ITPKB: variants seen among roughly 807,000 people sequenced by gnomAD.
The protein encoded by ITPKB is inositol-trisphosphate 3-kinase B.
In ITPKB, 13 loss-of-function variants were observed where a neutral mutation model predicts 69.4. The ratio of observed to expected loss-of-function variants is 0.19; its 90% CI spans 0.12 to 0.30. The LOEUF (loss-of-function observed/expected upper bound fraction) is 0.30. Ranked by LOEUF, ITPKB falls within the 10% of genes least tolerant of loss-of-function variation. The pLI, the probability that ITPKB is intolerant of heterozygous loss-of-function variation, is 1.00. For missense variants in ITPKB, 1,240 were observed against 1,250.5 expected, an observed-to-expected ratio of 0.99 and a Z score of 0.13; for synonymous variants, 584 against 513.7, an observed-to-expected ratio of 1.14 and a Z score of -1.85.
At chr1:226,645,028 A>G (rs1468755695) in intron 4 of ITPKB, among the ~76,000 whole-genome samples, 1 of 152,266 alleles carries the variant, frequency 6.6e-6, no homozygotes, top group Non-Finnish European at 1.5e-5. Context: ...AGCCTGGTGC[A>G]GAACTGCACC....
intron 2 of ITPKB, among the ~76,000 whole-genome samples, chr1:226,724,972 A>C (rs991671981): frequency 5.3e-5 from 8 of 152,302 alleles, no homozygotes; most frequent in African/African-American, 1.9e-4. Context: ...CTTCTAACAG[A>C]GGGAGCAAAT....
At chr1:226,670,093 C>T (rs982740141) in intron 2 of ITPKB, among the ~76,000 whole-genome samples, 17 of 146,042 alleles carry the variant, frequency 1.2e-4, no homozygotes, top group Non-Finnish European at 2.2e-4. Flanking sequence ...CAGCTGGTCT[C>T]GAACCCCTGA....
intron 2 of ITPKB, among the ~76,000 whole-genome samples, chr1:226,709,591 T>A (rs924166079): frequency 2.0e-5 from 3 of 152,144 alleles, no homozygotes; most frequent in Admixed American, 6.5e-5. Context: ...GACATCCAAC[T>A]TCCCCCCAAC....
chr1:226,657,993 G>A (rs866253145), intron 2 of ITPKB, among the ~76,000 whole-genome samples: 7 of 152,190 alleles, frequency 4.6e-5, no homozygotes, highest in African/African-American at 1.4e-4. Context: ...ACTGACACAC[G>A]CTCGGGGAAG....
chr1:226,715,818 T>G (rs1571871718), intron 2 of ITPKB, among the ~76,000 whole-genome samples: 1 of 152,242 alleles, frequency 6.6e-6, no homozygotes, highest in East Asian at 1.9e-4. Context: ...TATTTTTATG[T>G]ATTTATTTTT....
intron 2 of ITPKB, among the ~76,000 whole-genome samples, chr1:226,727,210 G>C (rs970255639): frequency 7.2e-5 from 11 of 152,204 alleles, no homozygotes; most frequent in South Asian, 4.1e-4. Context: ...TGCATAAGCA[G>C]AGGCTTAGAC....
intron 2 of ITPKB, among the ~76,000 whole-genome samples, chr1:226,706,983 G>C (rs962654246): frequency 6.6e-6 from 1 of 152,164 alleles, no homozygotes; most frequent in Non-Finnish European, 1.5e-5. Flanking sequence ...CCAGTCCACA[G>C]AATGAGGCAC....
At chr1:226,681,943 G>A (rs1422477008) in intron 2 of ITPKB, among the ~76,000 whole-genome samples, 1 of 152,212 alleles carries the variant, frequency 6.6e-6, no homozygotes, top group Non-Finnish European at 1.5e-5. Context: ...AAGGCTCAGA[G>A]CTATGTGGAA....
intron 2 of ITPKB, among the ~76,000 whole-genome samples, chr1:226,716,228 T>A (rs1342418154): frequency 6.6e-6 from 1 of 152,234 alleles, no homozygotes; most frequent in Admixed American, 6.5e-5. Context: ...AGTTGTGGCA[T>A]GCAGTAAAAA....
At chr1:226,734,299 G>A (rs1218707347) in intron 2 of ITPKB, among the ~76,000 whole-genome samples, 1 of 152,266 alleles carries the variant, frequency 6.6e-6, no homozygotes, top group East Asian at 1.9e-4. Flanking sequence ...TCATGAAAAG[G>A]AATGCCTGGT....
At chr1:226,692,090 A>G (rs1268467017) in intron 2 of ITPKB, among the ~76,000 whole-genome samples, 1 of 152,216 alleles carries the variant, frequency 6.6e-6, no homozygotes, top group Non-Finnish European at 1.5e-5. Context: ...TACATGCAAG[A>G]GCCTTCAAAA....
chr1:226,665,954 A>G (rs2102761684), intron 2 of ITPKB, among the ~76,000 whole-genome samples: 1 of 152,304 alleles, frequency 6.6e-6, no homozygotes, highest in South Asian at 2.1e-4. Context: ...ATCACAGGGC[A>G]CTGTGGCCTC....
intron 6 of ITPKB, among the ~76,000 whole-genome samples, chr1:226,638,050 T>A (rs1329774283): frequency 6.6e-6 from 1 of 152,232 alleles, no homozygotes; most frequent in Non-Finnish European, 1.5e-5. Flanking sequence ...GTGCCCCATC[T>A]TCCCCAGAAG....
Position 226,634,014 on chromosome 1 carries a change from C to A in ITPKB, c.*657G>T, listed in dbSNP as rs1203916468. On this transcript the variant is annotated 3_prime_UTR_variant, in exon 8 of 8. Coordinates refer to ENST00000429204, the MANE Select transcript of ITPKB (RefSeq NM_002221.4). The surrounding 1 kb of genome is among the most constrained non-coding windows in gnomAD (Gnocchi z 6.3). ...CAAGCTGGCTTCAGCCTTCTCTTGG[C>A]TCCTGGGTCTGGCCTGGAGCCGGCA... 6.6e-6 allele frequency: 1 copy of A among 152,586 alleles called. No individual in the cohort carries two copies. The highest frequency in any genetic ancestry group is 1.5e-5 in the Non-Finnish European group (1 of 68,328). 9.5% of individuals were successfully genotyped at this position (152,586 alleles called of 1,614,324 possible).
At chr1:226,666,437 G>A (rs1334915604) in intron 2 of ITPKB, among the ~76,000 whole-genome samples, 1 of 152,142 alleles carries the variant, frequency 6.6e-6, no homozygotes, top group African/African-American at 2.4e-5. Flanking sequence ...GGTGTCCAGG[G>A]GCTCCAGGGG....
At chr1:226,735,322 C>A (rs986016682) in intron 2 of ITPKB, among the ~76,000 whole-genome samples, 3 of 152,202 alleles carry the variant, frequency 2.0e-5, no homozygotes, top group Non-Finnish European at 4.4e-5. Flanking sequence ...GACTCAGATT[C>A]ACTGTCCAAG....
At chr1:226,685,290 G>A (rs1183399490) in intron 2 of ITPKB, among the ~76,000 whole-genome samples, 1 of 152,160 alleles carries the variant, frequency 6.6e-6, no homozygotes, top group African/African-American at 2.4e-5. Flanking sequence ...GCTGAGCTCA[G>A]TGTTCAGCAC....
At chr1:226,697,190 CA>C (rs1284720481) in intron 2 of ITPKB, among the ~76,000 whole-genome samples, 2 of 152,206 alleles carry the variant, frequency 1.3e-5, no homozygotes, top group Non-Finnish European at 2.9e-5. Flanking sequence ...AGGTGCCTGT[CA>C]CAACTTGGTT....
chr1:226,638,367 C>T (rs1017058766), intron 6 of ITPKB, among the ~76,000 whole-genome samples: 6 of 152,220 alleles, frequency 3.9e-5, no homozygotes, highest in Admixed American at 3.3e-4. Flanking sequence ...GAAGCCTCCC[C>T]AGCTGGAAAA....
Sources: gnomAD v4.1 joint callset for allele counts (sites outside exome capture counted in the v4.1 genomes callset) on GRCh38, gnomAD v4.1.1 for gene constraint, Gnocchi (gnomAD v3.1) non-coding constraint, MANE v1.5 for transcripts, NCBI Gene and HGNC (gene_info 2026-07-23, HGNC 2026-07-21) for gene names.